PAFAH1B2: variants seen among roughly 807,000 people sequenced by gnomAD.
The protein encoded by PAFAH1B2 is platelet-activating factor acetylhydrolase IB subunit alpha2.
A neutral mutation model predicts 28.0 loss-of-function variants in PAFAH1B2; 8 were observed. The observed-to-expected ratio is 0.29, with a 90% confidence interval of 0.17 to 0.52. PAFAH1B2 has a LOEUF of 0.52. PAFAH1B2 is among the 20% of genes least tolerant of loss of function. The pLI is 0.97. For missense variants in PAFAH1B2, 190 were observed against 282.6 expected (o/e 0.67, Z 2.35); for synonymous variants, 104 against 103.2 (o/e 1.01, Z -0.05).
rs576247497 is a variant in PAFAH1B2 at position 117,167,932 on chromosome 11, A to G, written c.*233A>G. Reference sequence around the variant, plus strand: ...TTGTTGTTTAAATTCATTTGAAACCAGAAGGGGACTTTTTAGTTGTATGTG... The same window carrying G: ...TTGTTGTTTAAATTCATTTGAAACCGGAAGGGGACTTTTTAGTTGTATGTG... On this transcript the variant is annotated 3_prime_UTR_variant, in exon 6 of 6. Transcript: ENST00000527958. 59 of 1,153,996 alleles carry G rather than the reference A, an allele frequency of 5.1e-5. No homozygotes were observed. In the African/African-American group the frequency reaches 7.9e-4, roughly 15 times the overall value. 71.5% of individuals were successfully genotyped at this position (1,153,996 alleles called of 1,614,324 possible). A position where few individuals can be genotyped will look rare whatever the true frequency, so the allele number is the denominator to read the frequency against.
In PAFAH1B2 at chr11:117,167,747, C is replaced by T. The variant is rs1424737889; in HGVS notation, c.*48C>T. On this transcript the variant is annotated 3_prime_UTR_variant, in exon 6 of 6. Coordinates refer to ENST00000527958, the MANE Select transcript of PAFAH1B2 (RefSeq NM_002572.4). ...GCATCTCAGCTTCCTCAGATCAGTTCTATCACTGGCACTACAGAATCCTTC... is the reference window on the plus strand; with the variant it reads ...GCATCTCAGCTTCCTCAGATCAGTTTTATCACTGGCACTACAGAATCCTTC... The T allele has an allele frequency of 4.8e-6, 7 of 1,447,088 alleles. No individual in the cohort carries two copies. The highest frequency in any genetic ancestry group is 1.7e-5 in the South Asian group (1 of 58,042). The allele number at this position is 1,447,088 out of a possible 1,614,324, so 89.6% of individuals were successfully genotyped here. A position where few individuals can be genotyped will look rare whatever the true frequency, so the allele number is the denominator to read the frequency against.
In PAFAH1B2 at chr11:117,170,233, C is replaced by T; in HGVS notation, c.*2534C>T. The T allele has an allele frequency of 9.4e-7, 1 of 1,060,114 alleles. No homozygotes were observed. Among genetic ancestry groups the T allele is most frequent in the Non-Finnish European group, 1.1e-6 (1 of 876,294 alleles). 65.7% of individuals were successfully genotyped at this position (1,060,114 alleles called of 1,614,324 possible). ...AAATCTATAAATTTAATGCACTGTC[C>T]AAGTGAAATGTCCTAGTTGTCATTG... On this transcript the variant is annotated 3_prime_UTR_variant, in exon 6 of 6. Coordinates refer to ENST00000527958, the MANE Select transcript of PAFAH1B2 (RefSeq NM_002572.4).
At chr11:117,159,618 C>A (rs1956325097) in intron 2 of PAFAH1B2, 1 of 245,146 alleles carries the variant, frequency 4.1e-6, no homozygotes. Flanking sequence ...GCCTATAATC[C>A]CAGCTATTCA....
chr11:117,153,928 C>CT (rs111809381), intron 2 of PAFAH1B2, among the ~76,000 whole-genome samples: 3,215 of 141,134 alleles, frequency 0.023, 85 homozygotes, highest in African/African-American at 0.07. Flanking sequence ...TTTTTCTTTT[C>CT]TTTTTTTTTT....
downstream of PAFAH1B2, among the ~76,000 whole-genome samples, chr11:117,171,229 G>A (rs116233060): frequency 6.4e-3 from 974 of 152,250 alleles, 11 homozygotes; most frequent in African/African-American, 0.022. Flanking sequence ...GGTAGGGTGG[G>A]ATGAGTAGGT....
intron 2 of PAFAH1B2, among the ~76,000 whole-genome samples, chr11:117,158,062 C>T (rs899412314): frequency 3.9e-5 from 6 of 152,102 alleles, no homozygotes; most frequent in African/African-American, 9.7e-5. Flanking sequence ...TGGTTGAACC[C>T]GGGAGGTGGA....
chr11:117,150,789 C>T (rs889874595), intron 1 of PAFAH1B2, among the ~76,000 whole-genome samples: 5 of 151,986 alleles, frequency 3.3e-5, no homozygotes, highest in African/African-American at 7.3e-5. Context: ...AGATCGAGAC[C>T]GTCCTGGCTA....
chr11:117,150,152 A>G (rs1956115752), intron 1 of PAFAH1B2, among the ~76,000 whole-genome samples: 1 of 152,198 alleles, frequency 6.6e-6, no homozygotes, highest in Admixed American at 6.5e-5. Context: ...AAATAAAGCA[A>G]AACCTCCCAC....
chr11:117,171,653 CAG>C, downstream of PAFAH1B2: 2 of 1,481,110 alleles, frequency 1.4e-6, no homozygotes, highest in Non-Finnish European at 1.8e-6. Flanking sequence ...TACTCTATCT[CAG>C]AGATAGTGAG....
chr11:117,158,508 A>T (rs1275429298), intron 2 of PAFAH1B2, among the ~76,000 whole-genome samples: 2 of 152,236 alleles, frequency 1.3e-5, no homozygotes. Flanking sequence ...CTGCATTCAA[A>T]TAAAATACAT....
At chr11:117,174,852 T>C (rs976580016), downstream of PAFAH1B2, 1 of 1,332,414 alleles carries the variant, frequency 7.5e-7, no homozygotes, top group Non-Finnish European at 1.0e-6. Context: ...TGACTTCAGA[T>C]GATCCAACCG....
At chr11:117,160,459 A>G (rs769886653) in intron 3 of PAFAH1B2, among the ~76,000 whole-genome samples, 3 of 152,096 alleles carry the variant, frequency 2.0e-5, no homozygotes, top group African/African-American at 4.8e-5. Flanking sequence ...GCATTCTTCC[A>G]TGGGAAATTT....
downstream of PAFAH1B2, among the ~76,000 whole-genome samples, chr11:117,177,367 G>C (rs1408477061): frequency 6.6e-6 from 1 of 152,114 alleles, no homozygotes. Flanking sequence ...AAAGGAAAAT[G>C]ATATACAATA....
chr11:117,176,625 C>T (rs2029994611), exon 6 of PAFAH1B2: 1 of 172,182 alleles, frequency 5.8e-6, no homozygotes, highest in Admixed American at 6.4e-5. Flanking sequence ...GCCTGTAATC[C>T]CAACACTTTG....
Position 117,168,837 on chromosome 11 carries a change from C to A in PAFAH1B2, c.*1138C>A. On this transcript the variant is annotated 3_prime_UTR_variant, in exon 6 of 6. Coordinates refer to ENST00000527958, the MANE Select transcript of PAFAH1B2 (RefSeq NM_002572.4). ...AGATGGAGTTTCACTGTTGCCCAGG[C>A]TGGGGTGCAATGGTGTGATCTTGGC... 2.7e-6 allele frequency: 2 copies of A among 746,382 alleles called. No individual in the cohort carries two copies. The highest frequency in any genetic ancestry group is 3.3e-6 in the Non-Finnish European group (2 of 597,708). 46.2% of individuals were successfully genotyped at this position (746,382 alleles called of 1,614,324 possible).
chr11:117,156,535 G>A (rs1956258862), intron 2 of PAFAH1B2, among the ~76,000 whole-genome samples: 1 of 152,162 alleles, frequency 6.6e-6, no homozygotes, highest in African/African-American at 2.4e-5. Flanking sequence ...GAAAAAAGAT[G>A]AGGAGAAAAC....
chr11:117,167,953 A>G lies in PAFAH1B2; in HGVS notation c.*254A>G. ...AACCAGAAGGGGACTTTTTAGTTGT[A>G]TGTGTAACACATTCATTGAATTATT... On this transcript the variant is annotated 3_prime_UTR_variant, in exon 6 of 6. Coordinates refer to ENST00000527958, the MANE Select transcript of PAFAH1B2 (RefSeq NM_002572.4). 1 of 1,123,114 alleles carries G rather than the reference A, an allele frequency of 8.9e-7. No individual in the cohort carries two copies. Among genetic ancestry groups the G allele is most frequent in the Non-Finnish European group, 1.1e-6 (1 of 917,904 alleles). 69.6% of individuals were successfully genotyped at this position (1,123,114 alleles called of 1,614,324 possible). A position where few individuals can be genotyped will look rare whatever the true frequency, so the allele number is the denominator to read the frequency against.
At chr11:117,167,261 A>T (rs1453886431) in intron 5 of PAFAH1B2, among the ~76,000 whole-genome samples, 160 bp from the exon 6 acceptor site, 1 of 152,194 alleles carries the variant, frequency 6.6e-6, no homozygotes. Context: ...ACTAAGAAGA[A>T]ATGGTTAGCT....
At chr11:117,164,929 G>A (rs1029123981) in intron 5 of PAFAH1B2, among the ~76,000 whole-genome samples, 8 of 151,218 alleles carry the variant, frequency 5.3e-5, no homozygotes, top group Non-Finnish European at 8.9e-5. Context: ...CCAGCTATTC[G>A]GGAGGCTGAA....
Sources: allele counts gnomAD v4.1 joint callset (sites outside exome capture counted in the v4.1 genomes callset), GRCh38; gene constraint gnomAD v4.1.1; transcripts MANE v1.5; gene names NCBI Gene and HGNC (gene_info 2026-07-23, HGNC 2026-07-21).